BCAS3: variants seen among roughly 807,000 people sequenced by gnomAD.
BCAS3 encodes BCAS3 microtubule associated cell migration factor, also known as BCAS4/BCAS3 fusion.
BCAS3 carries 53 observed loss-of-function variants against 116.1 expected under a neutral mutation model. The observed-to-expected ratio is 0.46, with a 90% confidence interval of 0.37 to 0.57. BCAS3 has a LOEUF of 0.57. BCAS3 is among the 20% of genes least tolerant of loss of function. The probability of loss-of-function intolerance (pLI) is 0.00; values close to 1 mark genes in which losing one functional copy is unlikely to be tolerated. For synonymous variants in BCAS3, 391 were observed against 408.2 expected, an observed-to-expected ratio of 0.96 and a Z score of 0.51; for missense variants, 917 against 1,165.4, an observed-to-expected ratio of 0.79 and a Z score of 3.10.
In BCAS3 at chr17:60,867,489, A is replaced by G. The variant is rs146016288; in HGVS notation, c.477-1087A>G. ...CCTTAGATTTGTTCCAAGATAGTCAATAGTTTTGATATTTAATGTCATTTT... is the reference window on the plus strand; with the variant it reads ...CCTTAGATTTGTTCCAAGATAGTCAGTAGTTTTGATATTTAATGTCATTTT... On this transcript the variant is annotated intron_variant, in intron 7 of 23. Transcript: ENST00000407086. Among the ~76,000 whole-genome samples, 12 of 152,288 alleles carry G rather than the reference A, an allele frequency of 7.9e-5. No homozygotes were observed. In the East Asian group the frequency reaches 2.1e-3, roughly 27 times the overall value.
At chr17:61,371,584 A>G (rs1010269) in intron 23 of BCAS3, among the ~76,000 whole-genome samples, 111,390 of 152,108 alleles carry the variant, frequency 0.73, 41,624 homozygotes, top group Non-Finnish European at 0.82. Context: ...AGTGTTCTCG[A>G]CACAAAAAAT....
chr17:60,776,113 A>AT (rs1568226215), intron 6 of BCAS3, among the ~76,000 whole-genome samples: 1 of 152,236 alleles, frequency 6.6e-6, no homozygotes, highest in African/African-American at 2.4e-5. Flanking sequence ...TGGGAAATAC[A>AT]TACAGTATTT....
Position 61,323,369 on chromosome 17 carries a change from G to A in BCAS3, c.2426-44958G>A, listed in dbSNP as rs2055472134. Among the ~76,000 whole-genome samples, 1 of 152,214 alleles carries A rather than the reference G, an allele frequency of 6.6e-6. No individual in the cohort carries two copies. Among genetic ancestry groups the A allele is most frequent in the Non-Finnish European group, 1.5e-5 (1 of 68,030 alleles). On this transcript the variant is annotated intron_variant, in intron 22 of 23. Transcript: ENST00000407086. This position sits in a 1 kb window ranked among gnomAD's most constrained non-coding sequence, Gnocchi z 4.6. ...AACATGGAAATAAGTAGTGCAGTGA[G>A]CAGTTAGCATAAGGGAGTTCCAGCC...
At chr17:60,998,342 A>G (rs1229860970) in intron 15 of BCAS3, among the ~76,000 whole-genome samples, 1 of 152,010 alleles carries the variant, frequency 6.6e-6, no homozygotes, top group Non-Finnish European at 1.5e-5. Flanking sequence ...AGAATGATTT[A>G]TTTTCTTTTG....
chr17:61,260,259 A>C (rs906986969), intron 22 of BCAS3, among the ~76,000 whole-genome samples: 1 of 152,212 alleles, frequency 6.6e-6, no homozygotes, highest in African/African-American at 2.4e-5. Context: ...TAGTGTGTAG[A>C]GCATTACCCA....
chr17:60,714,238 G>A (rs756880039), intron 5 of BCAS3, among the ~76,000 whole-genome samples: 19 of 152,188 alleles, frequency 1.2e-4, no homozygotes, highest in Non-Finnish European at 2.8e-4. Context: ...AAACCACTGG[G>A]ATTACAGATG....
At chr17:61,358,946 TC>T (rs1380208106) in intron 22 of BCAS3, among the ~76,000 whole-genome samples, 1 of 152,158 alleles carries the variant, frequency 6.6e-6, no homozygotes, top group Non-Finnish European at 1.5e-5. Context: ...AAAAGTTCTA[TC>T]CCCACCCTCA....
At position 61,098,690 on chromosome 17, in the gene BCAS3, A is replaced by T. The variant is rs1288077133; in HGVS notation, c.2425+14126A>T. Among the ~76,000 whole-genome samples, 1 of 152,194 alleles carries T rather than the reference A, an allele frequency of 6.6e-6. No homozygotes were observed. The highest frequency in any genetic ancestry group is 6.5e-5 in the Admixed American group (1 of 15,274). ...GAGTGAGTAGAAGGAGATGATACTG[A>T]TAGCAATTCTTAAGTCTCTAAATGT... is the stretch of plus-strand genomic sequence containing the variant. On this transcript the variant is annotated intron_variant, in intron 22 of 23. Coordinates refer to ENST00000407086, the MANE Select transcript of BCAS3 (RefSeq NM_017679.5). This position sits in a 1 kb window ranked among gnomAD's most constrained non-coding sequence, Gnocchi z 4.2.
intron 22 of BCAS3, among the ~76,000 whole-genome samples, chr17:61,085,313 C>G (rs375659484): frequency 5.9e-5 from 9 of 152,174 alleles, no homozygotes; most frequent in Non-Finnish European, 1.0e-4. Context: ...CAAAAATTCT[C>G]TCTCAAGTAG....
chr17:60,851,805 T>C (rs1158345582), intron 7 of BCAS3: 1 of 1,262,250 alleles, frequency 7.9e-7, no homozygotes, highest in African/African-American at 1.5e-5. Flanking sequence ...TCCAGAGGAA[T>C]ATTTTTATCA....
chr17:61,012,086 T>G lies in BCAS3; in HGVS notation c.1487-3665T>G, dbSNP rs1026360285. Among the ~76,000 whole-genome samples, 4 of 152,120 alleles carry G rather than the reference T, an allele frequency of 2.6e-5. No individual in the cohort carries two copies. The highest frequency in any genetic ancestry group is 9.6e-5 in the African/African-American group (4 of 41,452). ...TTGTCCTTTAAAACAATAATAAAAG[T>G]GACTCCTTACTTTTTGTTCCTGAGT... is the stretch of plus-strand genomic sequence containing the variant. On this transcript the variant is annotated intron_variant, in intron 15 of 23. Transcript: ENST00000407086. The surrounding 1 kb of genome is among the most constrained non-coding windows in gnomAD (Gnocchi z 4.5).
At chr17:60,812,285 C>T (rs1198525620) in intron 7 of BCAS3, among the ~76,000 whole-genome samples, 1 of 151,900 alleles carries the variant, frequency 6.6e-6, no homozygotes, top group Non-Finnish European at 1.5e-5. Context: ...AGCAAGAGGA[C>T]AAAAAATCAG....
At position 61,372,147 on chromosome 17, in the gene BCAS3, A is replaced by G. The variant is rs368204001; in HGVS notation, c.2593+3653A>G. 5.9e-5 allele frequency among the ~76,000 whole-genome samples: 9 copies of G among 152,188 alleles called. No homozygotes were observed. The East Asian group carries it at 1.5e-3, about 26-fold the overall frequency. ...TTATTATTCCAATTGGTGCCTCTAC[A>G]GATCCATGGTCTCCACTCTCCACTG... On this transcript the variant is annotated intron_variant, in intron 23 of 23. Transcript: ENST00000407086.
chr17:60,823,753 G>A (rs2050153251), intron 7 of BCAS3, among the ~76,000 whole-genome samples: 1 of 152,310 alleles, frequency 6.6e-6, no homozygotes, highest in African/African-American at 2.4e-5. Context: ...ACACTACATG[G>A]AGAATGAAAG....
chr17:61,041,888 G>A lies in BCAS3; in HGVS notation c.2029+996G>A, dbSNP rs186017822. Among the ~76,000 whole-genome samples, 7 of 152,034 alleles carry A rather than the reference G, an allele frequency of 4.6e-5. No individual in the cohort carries two copies. The highest frequency in any genetic ancestry group is 4.6e-4 in the Admixed American group (7 of 15,266). ...TTTATTGAGTGCCTACTATGTGTGAGGCAGTTCTGATTTAAAGGTGATTAG... is the reference window on the plus strand; with the variant it reads ...TTTATTGAGTGCCTACTATGTGTGAAGCAGTTCTGATTTAAAGGTGATTAG... On this transcript the variant is annotated intron_variant, in intron 19 of 23. Transcript: ENST00000407086. The surrounding 1 kb of genome is among the most constrained non-coding windows in gnomAD (Gnocchi z 4.7).
At position 61,323,129 on chromosome 17, in the gene BCAS3, G is replaced by A. The variant is rs998522896; in HGVS notation, c.2426-45198G>A. On this transcript the variant is annotated intron_variant, in intron 22 of 23. Transcript: ENST00000407086. This position sits in a 1 kb window ranked among gnomAD's most constrained non-coding sequence, Gnocchi z 4.6. ...TGGTCACATGGATTTAGCATCACAC[G>A]GGGAATTCGCTGTAACCCAGCCATC... 2.0e-5 allele frequency among the ~76,000 whole-genome samples: 3 copies of A among 152,224 alleles called. No individual in the cohort carries two copies. The highest frequency in any genetic ancestry group is 2.1e-4 in the South Asian group (1 of 4,820).
At chr17:60,769,571 G>T (rs969066549) in intron 6 of BCAS3, among the ~76,000 whole-genome samples, 2 of 152,100 alleles carry the variant, frequency 1.3e-5, no homozygotes, top group African/African-American at 2.4e-5. Context: ...CGTGGGGAAG[G>T]GGGAGGGCCC....
chr17:60,935,462 G>T lies in BCAS3; in HGVS notation c.1087+10962G>T, dbSNP rs73322708. On this transcript the variant is annotated intron_variant, in intron 13 of 23. Coordinates refer to ENST00000407086, the MANE Select transcript of BCAS3 (RefSeq NM_017679.5). ...CATTGAATAAGTAAATATATAATTTGGTTGTGCACAGAATGCCTGCCTACC... is the reference window on the plus strand; with the variant it reads ...CATTGAATAAGTAAATATATAATTTTGTTGTGCACAGAATGCCTGCCTACC... 2.3e-3 allele frequency among the ~76,000 whole-genome samples: 350 copies of T among 152,106 alleles called. 3 individuals are homozygous for T. The highest frequency in any genetic ancestry group is 8.1e-3 in the African/African-American group (336 of 41,506).
At chr17:60,822,313 CATT>C (rs1486280691) in intron 7 of BCAS3, among the ~76,000 whole-genome samples, 1 of 152,110 alleles carries the variant, frequency 6.6e-6, no homozygotes, top group Non-Finnish European at 1.5e-5. Context: ...AGTGGTGTGT[CATT>C]ATGGCATTAA....
Sources: gnomAD v4.1 joint callset for allele counts (sites outside exome capture counted in the v4.1 genomes callset) on GRCh38, gnomAD v4.1.1 for gene constraint, Gnocchi (gnomAD v3.1) non-coding constraint, MANE v1.5 for transcripts, NCBI Gene and HGNC (gene_info 2026-07-23, HGNC 2026-07-21) for gene names.